Variants in CSRP3 observed in about 807,000 individuals in gnomAD.
CSRP3 encodes cysteine and glycine-rich protein 3.
A neutral mutation model predicts 24.3 loss-of-function variants in CSRP3; 24 were observed. The observed-to-expected ratio is 0.99, with a 90% CI of 0.71 to 1.39. The LOEUF (loss-of-function observed/expected upper bound fraction) is 1.39, where lower values mean the gene tolerates loss of function less well. Among genes scored for constraint, CSRP3 ranks in the 40% most tolerant of loss-of-function variants. CSRP3 has a pLI of 0.00. For missense variants in CSRP3, 240 were observed against 249.0 expected, an observed-to-expected ratio of 0.96 and a Z score of 0.24; for synonymous variants, 105 against 94.0, an observed-to-expected ratio of 1.12 and a Z score of -0.68.
chr11:19,197,958 A>G (rs1850769753), intron 1 of CSRP3, among the ~76,000 whole-genome samples: 1 of 152,150 alleles, frequency 6.6e-6, no homozygotes, highest in Non-Finnish European at 1.5e-5. Flanking sequence ...AGGTGCTATT[A>G]TAACATTTAC....
chr11:19,201,700 T>A (rs1850846987), intron 1 of CSRP3, among the ~76,000 whole-genome samples: 1 of 152,232 alleles, frequency 6.6e-6, no homozygotes, highest in African/African-American at 2.4e-5. Flanking sequence ...ATAATGAGGA[T>A]AATTCTTTAC....
chr11:19,198,659 T>A (rs756836353), intron 1 of CSRP3, among the ~76,000 whole-genome samples: 3 of 152,192 alleles, frequency 2.0e-5, no homozygotes, highest in Non-Finnish European at 4.4e-5. Context: ...TGGGGTGCCC[T>A]CTCAAACCCT....
Position 19,192,371 on chromosome 11 carries a change from A to C in CSRP3, c.78T>G (p.Asn26Lys), listed in dbSNP as rs909246685. ...AACACGTCTTGTGGAAACTCCTTCC[A>C]TTGCACTGGATTTCTTCTGCATGGT... ...TVYHAEEIQC[N>K]GRSFHKTCFH... The change falls in exon 2 of 6, where the codon AAT (asparagine) becomes AAG (lysine). Residue 26 changes from asparagine to lysine, a missense_variant. Coordinates refer to ENST00000265968, the MANE Select transcript of CSRP3 (RefSeq NM_003476.5). 1 of 1,614,166 alleles carries C rather than the reference A, an allele frequency of 6.2e-7. No individual in the cohort carries two copies. Among genetic ancestry groups the C allele is most frequent in the African/African-American group, 1.3e-5 (1 of 75,056 alleles).
Position 19,184,981 on chromosome 11 carries a change from G to T in CSRP3, c.479C>A (p.Thr160Asn). 3.7e-6 allele frequency: 6 copies of T among 1,614,022 alleles called. No individual in the cohort carries two copies. The highest frequency in any genetic ancestry group is 5.1e-6 in the Non-Finnish European group (6 of 1,179,826). The change falls in exon 5 of 6, where the codon ACT (threonine) becomes AAT (asparagine). Residue 160 changes from threonine to asparagine, a missense_variant. By Grantham distance (65) the Thr-to-Asn change is moderately conservative. Transcript: ENST00000265968. The stretch of plus-strand genomic sequence containing the variant: ...GCAATAAAGTTCCCCATCTTTGTCA[G>T]TGACATTTGTGGACTCCAGACTCTT... ...CGKSLESTNV[T>N]DKDGELYCKV...
chr11:19,194,389 A>T (rs547344619), intron 1 of CSRP3, among the ~76,000 whole-genome samples: 119 of 152,320 alleles, frequency 7.8e-4, no homozygotes, highest in Non-Finnish European at 1.3e-3. Flanking sequence ...TAAAAAAGGA[A>T]ACATTGGGCT....
intron 1 of CSRP3, among the ~76,000 whole-genome samples, chr11:19,199,352 A>G (rs904658049): frequency 6.6e-6 from 1 of 152,174 alleles, no homozygotes; most frequent in Non-Finnish European, 1.5e-5. Flanking sequence ...GCCAGCATGG[A>G]AATAAACCTG....
In CSRP3 at chr11:19,197,207, T is replaced by C. The variant is rs1031811124; in HGVS notation, c.-28-4731A>G. ...AGTACTGTCATATCATTCTGTAAAT[T>C]GTAGAGTAATATAAAATGTGAGAAC... On this transcript the variant is annotated intron_variant, in intron 1 of 5. Transcript: ENST00000265968. 2.6e-5 allele frequency among the ~76,000 whole-genome samples: 4 copies of C among 151,698 alleles called. No individual in the cohort carries two copies. In the South Asian group the frequency reaches 8.3e-4, roughly 31 times the overall value.
At chr11:19,187,899 C>A (rs994781450) in intron 3 of CSRP3, among the ~76,000 whole-genome samples, 4 of 152,154 alleles carry the variant, frequency 2.6e-5, no homozygotes, top group African/African-American at 9.7e-5. Flanking sequence ...TCTTGACATG[C>A]AAACCAAGAG....
intron 5 of CSRP3, among the ~76,000 whole-genome samples, chr11:19,184,036 G>A (rs1239730556): frequency 6.6e-6 from 1 of 152,174 alleles, no homozygotes; most frequent in East Asian, 1.9e-4. Flanking sequence ...CAGCCATGTG[G>A]AACTGTGAGT....
intron 1 of CSRP3, among the ~76,000 whole-genome samples, chr11:19,195,089 G>C (rs1358946152): frequency 6.6e-6 from 1 of 151,924 alleles, no homozygotes; most frequent in East Asian, 1.9e-4. Context: ...ACTGTTGGAG[G>C]GTCACAGAAG....
rs112011690 is a variant in CSRP3, at chr11:19,188,949, C to T, written c.113-645G>A. Among the ~76,000 whole-genome samples, 1,438 of 151,858 alleles carry T rather than the reference C, an allele frequency of 9.5e-3. 18 individuals are homozygous for T. Among genetic ancestry groups the T allele is most frequent in the African/African-American group, 0.033 (1,382 of 41,356 alleles). On this transcript the variant is annotated intron_variant, in intron 2 of 5. Transcript: ENST00000265968. Reference sequence around the variant, plus strand: ...TATCCTCCAGTATAAGGCAATCAAGCCCTCATTTTTCCAAAGAGAGGATTT... The same window carrying T: ...TATCCTCCAGTATAAGGCAATCAAGTCCTCATTTTTCCAAAGAGAGGATTT...
intron 1 of CSRP3, among the ~76,000 whole-genome samples, chr11:19,199,999 C>T (rs778014196): frequency 1.3e-5 from 2 of 152,186 alleles, no homozygotes; most frequent in Non-Finnish European, 2.9e-5. Context: ...GGTCTTTCCT[C>T]TTGTAAAACA....
chr11:19,197,501 CTCTTTCTTTCTTTCTTTCTTTCTT>C lies in CSRP3; in HGVS notation c.-29+4429_-29+4452del, dbSNP rs747850845. Among the ~76,000 whole-genome samples the C allele has an allele frequency of 2.2e-3, 149 of 67,124 alleles. 2 individuals carry two copies. The highest frequency in any genetic ancestry group is 0.014 in the Middle Eastern group (2 of 142). 44.0% of individuals were successfully genotyped at this position (67,124 alleles called of 152,430 possible). A position where few individuals can be genotyped will look rare whatever the true frequency, so the allele number is the denominator to read the frequency against. ...TCCATCTCTTTCTCTCCCTCTTTTC[CTCTTTCTTTCTTTCTTTCTTTCTT>C]TCTTTCTTTCTTTCTTTCTTTCTTT... On this transcript the variant is annotated intron_variant, in intron 1 of 5. Transcript: ENST00000265968.
At chr11:19,194,226 A>C (rs967170219) in intron 1 of CSRP3, among the ~76,000 whole-genome samples, 3 of 152,236 alleles carry the variant, frequency 2.0e-5, no homozygotes, top group African/African-American at 7.2e-5. Context: ...ACTGAACCTG[A>C]TACTAGGTCT....
At chr11:19,190,297 C>G (rs1565052333) in intron 2 of CSRP3, among the ~76,000 whole-genome samples, 1 of 152,226 alleles carries the variant, frequency 6.6e-6, no homozygotes, top group Non-Finnish European at 1.5e-5. Context: ...CTTTTGTGAA[C>G]AGACAAAGGA....
chr11:19,185,144 C>G (rs1850504570), intron 4 of CSRP3, 99 bp from the exon 5 acceptor site: 3 of 892,550 alleles, frequency 3.4e-6, no homozygotes, highest in Non-Finnish European at 5.6e-6. Context: ...AGTGACACGT[C>G]TTAACCATTT....
intron 1 of CSRP3, among the ~76,000 whole-genome samples, chr11:19,199,717 A>G (rs552131045): frequency 6.6e-6 from 1 of 152,344 alleles, no homozygotes. Flanking sequence ...ATAAACGACC[A>G]TCAAATCATG....
intron 1 of CSRP3, among the ~76,000 whole-genome samples, chr11:19,192,798 A>G (rs988947228): frequency 6.6e-6 from 1 of 151,938 alleles, no homozygotes; most frequent in Non-Finnish European, 1.5e-5. Context: ...ATATACAAAG[A>G]TCGTTTTTTT....
Position 19,188,322 on chromosome 11 carries a change from G to A in CSRP3, c.113-18C>T. On this transcript the variant is annotated intron_variant, in intron 2 of 5. Coordinates refer to ENST00000265968, the MANE Select transcript of CSRP3 (RefSeq NM_003476.5). ...GCAGGCCACTGCCAGGAAAAGGAAG[G>A]GTCATGGGATTGGAATTGAAATCCT... 1.2e-6 allele frequency: 2 copies of A among 1,611,602 alleles called. No individual in the cohort carries two copies. The highest frequency in any genetic ancestry group is 1.7e-6 in the Non-Finnish European group (2 of 1,179,908).
Sources: allele counts gnomAD v4.1 joint callset (sites outside exome capture counted in the v4.1 genomes callset), GRCh38; gene constraint gnomAD v4.1.1; transcripts MANE v1.5; gene names NCBI Gene and HGNC (gene_info 2026-07-23, HGNC 2026-07-21).